SPAG17: variants seen among roughly 807,000 people sequenced by gnomAD.
The protein encoded by SPAG17 is sperm associated antigen 17.
SPAG17 carries 169 observed loss-of-function variants against 273.6 expected under a neutral mutation model. The observed-to-expected ratio is 0.62, with a 90% CI of 0.55 to 0.70. The LOEUF (loss-of-function observed/expected upper bound fraction) is 0.70. Ranked by LOEUF, SPAG17 falls within the 30% of genes least tolerant of loss-of-function variation. The pLI, the probability that SPAG17 is intolerant of heterozygous loss-of-function variation, is 0.00. For missense variants in SPAG17, 2,557 were observed against 2,627.8 expected (o/e 0.97, Z 0.59); for synonymous variants, 825 against 873.2 (o/e 0.94, Z 0.97).
chr1:118,078,957 T>C (rs1287084106), intron 15 of SPAG17, among the ~76,000 whole-genome samples: 2 of 152,026 alleles, frequency 1.3e-5, no homozygotes, highest in Non-Finnish European at 2.9e-5. Context: ...GTTAGATCAG[T>C]TTTCCTATGT....
chr1:118,078,838 T>C (rs1399943016), intron 15 of SPAG17, among the ~76,000 whole-genome samples: 2 of 152,086 alleles, frequency 1.3e-5, no homozygotes, highest in Admixed American at 1.3e-4. Context: ...ATGACTTTTC[T>C]CACTAATGTG....
At chr1:118,018,279 T>G (rs563129281) in intron 28 of SPAG17, among the ~76,000 whole-genome samples, 1 of 152,128 alleles carries the variant, frequency 6.6e-6, no homozygotes, top group South Asian at 2.1e-4. Context: ...CAGAAATCAT[T>G]CGTGTCCTTT....
At chr1:118,096,506 A>G (rs1655713845) in intron 7 of SPAG17, among the ~76,000 whole-genome samples, 1 of 152,094 alleles carries the variant, frequency 6.6e-6, no homozygotes, top group South Asian at 2.1e-4. Context: ...ACGCTGAAAT[A>G]TATCGTCCTG....
chr1:118,069,993 A>G (rs908088521), intron 17 of SPAG17, among the ~76,000 whole-genome samples: 4 of 152,362 alleles, frequency 2.6e-5, no homozygotes, highest in African/African-American at 9.6e-5. Flanking sequence ...TTCATGGAGC[A>G]GTAAGGACTG....
chr1:118,168,999 T>C (rs1008512263), intron 1 of SPAG17, among the ~76,000 whole-genome samples: 1 of 152,204 alleles, frequency 6.6e-6, no homozygotes, highest in African/African-American at 2.4e-5. Flanking sequence ...CCTTGGATTT[T>C]ATCCTGTGGG....
intron 18 of SPAG17, among the ~76,000 whole-genome samples, chr1:118,058,875 A>T (rs920564452): frequency 3.3e-5 from 5 of 152,234 alleles, no homozygotes; most frequent in Non-Finnish European, 7.3e-5. Flanking sequence ...GGGACATTTT[A>T]TCAGATTGAT....
intron 1 of SPAG17, among the ~76,000 whole-genome samples, chr1:118,155,630 T>G (rs1344609118): frequency 6.6e-6 from 1 of 152,142 alleles, no homozygotes; most frequent in Non-Finnish European, 1.5e-5. Flanking sequence ...TATGAACCAG[T>G]AGTGGTCAGC....
intron 42 of SPAG17, among the ~76,000 whole-genome samples, chr1:117,982,944 T>G (rs567033188): frequency 1.3e-5 from 2 of 152,350 alleles, no homozygotes; most frequent in South Asian, 4.1e-4. Flanking sequence ...CATTTTTCTC[T>G]GTTTCCTCTT....
rs549413982 is a variant in SPAG17 at position 117,983,848 on chromosome 1, G to T, written c.5835C>A (p.Asn1945Lys). The change falls in exon 42 of 49, where the codon AAC becomes AAA. Residue 1945 changes from asparagine to lysine, a missense_variant. Coordinates refer to ENST00000336338, the MANE Select transcript of SPAG17 (RefSeq NM_206996.4). ...CAGATGTATCTTGAACAGCTGTTTC[G>T]TTTGCATCTTCATTTTTCTTTGTAA... ...PSFTKKNEDANETAVQDTSDL... is the reference protein window; with the variant it reads ...PSFTKKNEDAKETAVQDTSDL... 1 of 1,612,384 alleles carries T rather than the reference G, an allele frequency of 6.2e-7. No individual in the cohort carries two copies. Among genetic ancestry groups the T allele is most frequent in the East Asian group, 2.2e-5 (1 of 44,794 alleles).
chr1:118,026,447 A>T (rs1647761453), intron 26 of SPAG17, among the ~76,000 whole-genome samples: 1 of 152,210 alleles, frequency 6.6e-6, no homozygotes, highest in Non-Finnish European at 1.5e-5. Context: ...ATATCAGGCT[A>T]GTGGGAAAAT....
intron 48 of SPAG17, chr1:117,954,502 C>A: frequency 7.3e-7 from 1 of 1,361,090 alleles, no homozygotes; most frequent in Non-Finnish European, 1.0e-6. Context: ...TTATAAAATA[C>A]AGTTACCACT....
chr1:117,955,238 A>G, intron 48 of SPAG17: 1 of 1,272,926 alleles, frequency 7.9e-7, no homozygotes, highest in South Asian at 1.3e-5. Context: ...TTCCTGTTTT[A>G]TAGGAGATAG....
At chr1:118,118,717 G>A (rs1029620718) in intron 3 of SPAG17, among the ~76,000 whole-genome samples, 17 of 152,180 alleles carry the variant, frequency 1.1e-4, no homozygotes, top group Non-Finnish European at 1.9e-4. Flanking sequence ...GGAATGATTG[G>A]TGAATGAGGA....
intron 31 of SPAG17, 152 bp downstream of exon 31, chr1:118,007,892 T>A (rs1436619174): frequency 1.3e-6 from 1 of 778,630 alleles, no homozygotes. Flanking sequence ...TAAATAAGAG[T>A]TTGAGAAGTA....
intron 43 of SPAG17, among the ~76,000 whole-genome samples, chr1:117,979,159 G>A (rs111493098): frequency 4.1e-4 from 63 of 152,132 alleles, no homozygotes; most frequent in Middle Eastern, 6.8e-3. Flanking sequence ...ATGAGCCACC[G>A]CGCCTGGCCT....
intron 8 of SPAG17, 46 bp downstream of exon 8, chr1:118,093,110 T>C (rs1301947197): frequency 6.4e-7 from 1 of 1,560,254 alleles, no homozygotes; most frequent in African/African-American, 1.4e-5. Context: ...AATAAAGTTG[T>C]TCAGTGAATC....
At chr1:117,992,240 A>T (rs997211174) in intron 36 of SPAG17, among the ~76,000 whole-genome samples, 2 of 152,182 alleles carry the variant, frequency 1.3e-5, no homozygotes, top group Non-Finnish European at 1.5e-5. Context: ...TTTACAAAAA[A>T]TTCTTACTTT....
intron 43 of SPAG17, among the ~76,000 whole-genome samples, chr1:117,977,996 G>A (rs1272079765): frequency 6.6e-6 from 1 of 152,086 alleles, no homozygotes; most frequent in Non-Finnish European, 1.5e-5. Flanking sequence ...AGAGTCTCAT[G>A]GCCACATTTT....
intron 15 of SPAG17, among the ~76,000 whole-genome samples, chr1:118,079,056 T>C (rs1402926777): frequency 6.6e-6 from 1 of 152,120 alleles, no homozygotes; most frequent in Non-Finnish European, 1.5e-5. Context: ...TCCTTGTCAG[T>C]ATTCTTATAA....
Sources: allele counts gnomAD v4.1 joint callset (sites outside exome capture counted in the v4.1 genomes callset), GRCh38; gene constraint gnomAD v4.1.1; transcripts MANE v1.5; gene names NCBI Gene and HGNC (gene_info 2026-07-23, HGNC 2026-07-21).